The following BAHCC1 variants were observed in gnomAD, a reference collection of about 807,000 sequenced individuals.
BAHCC1 encodes BAH and coiled-coil domain-containing protein 1.
Under a neutral mutation model 88.2 loss-of-function variants are expected in BAHCC1, and 43 were observed. The ratio of observed to expected loss-of-function variants is 0.49; its 90% CI spans 0.38 to 0.63. The LOEUF is 0.63. Ranked by LOEUF, BAHCC1 falls within the 20% of genes least tolerant of loss-of-function variation. The pLI, the probability that BAHCC1 is intolerant of heterozygous loss-of-function variation, is 0.00. For synonymous variants in BAHCC1, 1,510 were observed against 745.5 expected (o/e 2.03, Z -16.71); for missense variants, 3,023 against 1,654.8 (o/e 1.83, Z -14.34).
At chr17:81,419,625 G>A (rs1867099822) in intron 2 of BAHCC1, among the ~76,000 whole-genome samples, 1 of 151,614 alleles carries the variant, frequency 6.6e-6, no homozygotes, top group Admixed American at 6.5e-5. Context: ...AGTGGGTGTG[G>A]GTCGGGGGTG....
In BAHCC1 at chr17:81,400,407, G is replaced by A. The variant is rs112459964; in HGVS notation, c.178+490G>A. Among the ~76,000 whole-genome samples the A allele has an allele frequency of 9.7e-3, 1,473 of 152,290 alleles. 35 individuals are homozygous for A. Among genetic ancestry groups the A allele is most frequent in the African/African-American group, 0.033 (1,377 of 41,562 alleles). On this transcript the variant is annotated intron_variant, in intron 2 of 27. Transcript: ENST00000675386. ...GGGCGAGCGTTAATAGGGACTGCTG[G>A]TGTAAGACGAGCAAATCCTGTTTCT...
At chr17:81,421,255 G>T (rs180868209) in intron 2 of BAHCC1, among the ~76,000 whole-genome samples, 1 of 152,234 alleles carries the variant, frequency 6.6e-6, no homozygotes, top group Non-Finnish European at 1.5e-5. Flanking sequence ...GGCCCACACG[G>T]TCTGGCCCTG....
At chr17:81,423,891 G>T (rs182967503) in intron 2 of BAHCC1, among the ~76,000 whole-genome samples, 2 of 152,196 alleles carry the variant, frequency 1.3e-5, no homozygotes, top group Non-Finnish European at 2.9e-5. Flanking sequence ...GGCCTGGGGC[G>T]CTGGGGGCTC....
rs1567989390 is a variant in BAHCC1 at position 81,399,150 on chromosome 17, T to TGTGTGTGC, written c.-206-381_-206-380insTGTGCGTG. Reference sequence around the variant, plus strand: ...GTGAGTGTGTGTGTGTGTGTGTGTGTGTGCGAGTGTGCGTGATGGCTTCGC... The same window carrying TGTGTGTGC: ...GTGAGTGTGTGTGTGTGTGTGTGTGTGTGTGTGCGTGCGAGTGTGCGTGATGGCTTCGC... On this transcript the variant is annotated intron_variant, in intron 1 of 27. Transcript: ENST00000675386. The surrounding 1 kb of genome is among the most constrained non-coding windows in gnomAD (Gnocchi z 4.5). 5.3e-6 allele frequency: 2 copies of TGTGTGTGC among 380,638 alleles called. No individual in the cohort carries two copies. The highest frequency in any genetic ancestry group is 2.4e-5 in the African/African-American group (1 of 42,344). The allele number at this position is 380,638 out of a possible 1,614,324, so 23.6% of individuals were successfully genotyped here. A position where few individuals can be genotyped will look rare whatever the true frequency, so the allele number is the denominator to read the frequency against.
rs781909123 is a variant in BAHCC1, at chr17:81,442,655, C to G, written c.1306C>G (p.Pro436Ala). The change falls in exon 5 of 28, where the codon CCC (proline) becomes GCC (alanine). Residue 436 changes from proline (P) to alanine (A), a missense_variant. Transcript: ENST00000675386. ...EGTMAPDHAA[P>A]YGVSYAHLKA... is the part of the protein sequence containing the mutation. ...AACCATGGCCCCCGACCACGCTGCACCCTATGGAGTCTCCTATGCCCACCT... is the reference window on the plus strand; with the variant it reads ...AACCATGGCCCCCGACCACGCTGCAGCCTATGGAGTCTCCTATGCCCACCT... 7 of 775,722 alleles carry G rather than the reference C, an allele frequency of 9.0e-6. No individual in the cohort carries two copies. The South Asian group carries it at 9.5e-5, about 10-fold the overall frequency. The allele number at this position is 775,722 out of a possible 1,614,324, so 48.1% of individuals were successfully genotyped here. A position where few individuals can be genotyped will look rare whatever the true frequency, so the allele number is the denominator to read the frequency against.
At chr17:81,413,291 CG>C (rs112327515) in intron 2 of BAHCC1, 22 of 221,646 alleles carry the variant, frequency 9.9e-5, no homozygotes, top group African/African-American at 4.5e-4. Flanking sequence ...CCCATGCCCT[CG>C]GCCTCCTTCC....
rs1209058398 is a variant in BAHCC1 at position 81,451,965 on chromosome 17, C to G, written c.4180-6C>G. On this transcript the variant is annotated splice_region_variant and splice_polypyrimidine_tract_variant and intron_variant, in intron 12 of 27. Coordinates refer to ENST00000675386, the MANE Select transcript of BAHCC1 (RefSeq NM_001377448.1). ...GGCTCACAGGCCCCTGTGCCCCCCCCACCAGGTGTGCCCCCTGAAGGCCGC... is the reference window on the plus strand; with the variant it reads ...GGCTCACAGGCCCCTGTGCCCCCCCGACCAGGTGTGCCCCCTGAAGGCCGC... 3.2e-6 allele frequency: 2 copies of G among 623,524 alleles called. No homozygotes were observed. Among genetic ancestry groups the G allele is most frequent in the South Asian group, 1.9e-5 (1 of 53,678 alleles). The allele number at this position is 623,524 out of a possible 1,614,324, so 38.6% of individuals were successfully genotyped here.
intron 2 of BAHCC1, chr17:81,410,097 G>A: frequency 2.8e-6 from 1 of 354,248 alleles, no homozygotes; most frequent in Non-Finnish European, 5.9e-6. Flanking sequence ...GGGTTGAGTG[G>A]GACTGGGGGA....
chr17:81,430,186 A>G (rs1300667052), intron 3 of BAHCC1, among the ~76,000 whole-genome samples: 1 of 151,726 alleles, frequency 6.6e-6, no homozygotes, highest in Non-Finnish European at 1.5e-5. Context: ...AGCTGGCCCT[A>G]TTGTCAGCAG....
chr17:81,445,183 C>T lies in BAHCC1; in HGVS notation c.2835+5C>T, dbSNP rs781834256. 3.8e-5 allele frequency: 29 copies of T among 762,188 alleles called. No individual in the cohort carries two copies. Among genetic ancestry groups the T allele is most frequent in the South Asian group, 2.8e-4 (20 of 71,874 alleles). 47.2% of individuals were successfully genotyped at this position (762,188 alleles called of 1,614,324 possible). A position where few individuals can be genotyped will look rare whatever the true frequency, so the allele number is the denominator to read the frequency against. ...CAGAGGGCCGCCCAGTTCCAGGTAC[C>T]GCCCCTAGCCACGCTCACCTGGGCC... On this transcript the variant is annotated splice_donor_5th_base_variant and intron_variant, in intron 9 of 27. Coordinates refer to ENST00000675386, the MANE Select transcript of BAHCC1 (RefSeq NM_001377448.1).
Position 81,463,740 on chromosome 17 carries a change from C to T in BAHCC1, c.7750C>T (p.Leu2584Phe). 1.3e-6 allele frequency: 1 copy of T among 778,416 alleles called. No homozygotes were observed. Among genetic ancestry groups the T allele is most frequent in the East Asian group, 2.4e-5 (1 of 41,198 alleles). 48.2% of individuals were successfully genotyped at this position (778,416 alleles called of 1,614,324 possible). A position where few individuals can be genotyped will look rare whatever the true frequency, so the allele number is the denominator to read the frequency against. Residue 2584 changes from leucine to phenylalanine, a missense_variant, in exon 28 of 28, where the codon CTC (leucine) becomes TTC (phenylalanine). Leu to Phe is a conservative substitution (Grantham distance 22). Coordinates refer to ENST00000675386, the MANE Select transcript of BAHCC1 (RefSeq NM_001377448.1). ...CCGCAAGTGCCAGGACCGGCAGGAC[C>T]TCTACTACCTGGCGGGCACCTACGA... ...RSRKCQDRQD[L>F]YYLAGTYDPT...
chr17:81,396,027 A>C (rs4969269), intron 1 of BAHCC1: 141,730 of 152,322 alleles, frequency 0.93, 66,107 homozygotes, highest in East Asian at 1. Context: ...GGCGGACAGT[A>C]GGCGAAGTCC....
intron 11 of BAHCC1, 96 bp downstream of exon 11, chr17:81,447,944 C>A: frequency 1.5e-6 from 1 of 676,652 alleles, no homozygotes. Context: ...CCTTGGGCCC[C>A]GCTCAGTTGT....
chr17:81,464,113 G>A lies in BAHCC1; in HGVS notation c.*296G>A, dbSNP rs1486690301. On this transcript the variant is annotated 3_prime_UTR_variant, in exon 28 of 28. Coordinates refer to ENST00000675386, the MANE Select transcript of BAHCC1 (RefSeq NM_001377448.1). ...CGTTTCCCGCACCGGCAGTTCACGGGAGATTTGAATCCAAGCCATATTCCC... is the reference window on the plus strand; with the variant it reads ...CGTTTCCCGCACCGGCAGTTCACGGAAGATTTGAATCCAAGCCATATTCCC... 2.0e-6 allele frequency: 1 copy of A among 509,446 alleles called. No homozygotes were observed. Among genetic ancestry groups the A allele is most frequent in the East Asian group, 3.4e-5 (1 of 29,356 alleles). 31.6% of individuals were successfully genotyped at this position (509,446 alleles called of 1,614,324 possible).
chr17:81,464,206 G>A lies in BAHCC1; in HGVS notation c.*389G>A, dbSNP rs1466154693. 1 of 281,840 alleles carries A rather than the reference G, an allele frequency of 3.5e-6. No individual in the cohort carries two copies. Among genetic ancestry groups the A allele is most frequent in the Non-Finnish European group, 6.8e-6 (1 of 146,434 alleles). 17.5% of individuals were successfully genotyped at this position (281,840 alleles called of 1,614,324 possible). Reference sequence around the variant, plus strand: ...GTGTGTTGTCTATTTATTTCTCTATGTAAATATTGTATTTCTGCGGGGAAA... The same window carrying A: ...GTGTGTTGTCTATTTATTTCTCTATATAAATATTGTATTTCTGCGGGGAAA... On this transcript the variant is annotated 3_prime_UTR_variant, in exon 28 of 28. Coordinates refer to ENST00000675386, the MANE Select transcript of BAHCC1 (RefSeq NM_001377448.1).
chr17:81,399,646 C>A lies in BAHCC1; in HGVS notation c.-94C>A. 1.2e-6 allele frequency: 1 copy of A among 863,486 alleles called. No individual in the cohort carries two copies. The highest frequency in any genetic ancestry group is 1.5e-6 in the Non-Finnish European group (1 of 682,434). 53.5% of individuals were successfully genotyped at this position (863,486 alleles called of 1,614,324 possible). On this transcript the variant is annotated 5_prime_UTR_variant, in exon 2 of 28. Transcript: ENST00000675386. The surrounding 1 kb of genome is among the most constrained non-coding windows in gnomAD (Gnocchi z 4.5). Reference sequence around the variant, plus strand: ...CCACCACCGCCTGTGACCCCGGACGCCGCCGCCTCTGCGCCGCCCGCGCGC... The same window carrying A: ...CCACCACCGCCTGTGACCCCGGACGACGCCGCCTCTGCGCCGCCCGCGCGC...
chr17:81,460,827 G>T, intron 25 of BAHCC1, 39 bp from the exon 26 acceptor site: 1 of 767,366 alleles, frequency 1.3e-6, no homozygotes, highest in Non-Finnish European at 2.4e-6. Context: ...AGCTTTGTGG[G>T]CCCAGCTGGG....
At chr17:81,455,837 C>T (rs188910078) in intron 15 of BAHCC1, among the ~76,000 whole-genome samples, 4 of 152,276 alleles carry the variant, frequency 2.6e-5, no homozygotes, top group East Asian at 1.9e-4. Context: ...GGGGCTCTCT[C>T]GGCTGCCGAC....
rs1352730493 is a variant in BAHCC1, at chr17:81,425,671, ATGG to A, written c.179-1125_179-1123del. Among the ~76,000 whole-genome samples the A allele has an allele frequency of 1.2e-3, 9 of 7,668 alleles. No homozygotes were observed. In the South Asian group the frequency reaches 0.034, roughly 29 times the overall value. 5.0% of individuals were successfully genotyped at this position (7,668 alleles called of 152,430 possible). ...GTTGGTGGTGATGTGGTTGGTGGTG[ATGG>A]TGGGTGATGTGGTTGGTGGCGATGT... On this transcript the variant is annotated intron_variant, in intron 2 of 27. Transcript: ENST00000675386.
Sources: gnomAD v4.1 joint callset for allele counts (sites outside exome capture counted in the v4.1 genomes callset) on GRCh38, gnomAD v4.1.1 for gene constraint, Gnocchi (gnomAD v3.1) non-coding constraint, MANE v1.5 for transcripts, NCBI Gene and HGNC (gene_info 2026-07-23, HGNC 2026-07-21) for gene names.